The following BICC1 variants were observed in gnomAD, a reference collection of about 807,000 sequenced individuals.
BICC1 encodes the protein BicC family RNA binding protein 1.
BICC1 carries 43 observed loss-of-function variants against 111.0 expected under a neutral mutation model. That is an observed-to-expected ratio of 0.39 (90% confidence interval 0.30 to 0.50). BICC1 has a LOEUF of 0.50. BICC1 is among the 20% of genes least tolerant of loss of function. BICC1 has a pLI of 0.88. For synonymous variants in BICC1, 467 were observed against 434.4 expected (o/e 1.07, Z -0.93); for missense variants, 1,091 against 1,203.2 (o/e 0.91, Z 1.38).
Position 58,513,177 on chromosome 10 carries a change from G to C in BICC1, c.34G>C (p.Ala12Pro). ...AAQGEPGYLAAQSDPGSNSER... is the reference protein window; with the variant it reads ...AAQGEPGYLAPQSDPGSNSER... ...CCAGGGAGAGCCCGGCTACCTGGCG[G>C]CGCAGTCGGACCCCGGCTCCAACAG... The change falls in exon 1 of 21, where the codon GCG (alanine) becomes CCG (proline). Residue 12 changes from alanine to proline, a missense_variant. Ala to Pro is a conservative substitution (Grantham distance 27). Transcript: ENST00000373886. 6.3e-7 allele frequency: 1 copy of C among 1,575,694 alleles called. No homozygotes were observed. Among genetic ancestry groups the C allele is most frequent in the Non-Finnish European group, 8.6e-7 (1 of 1,163,418 alleles).
chr10:58,796,818 A>C lies in BICC1; in HGVS notation c.1366+292A>C, dbSNP rs72804425. Among the ~76,000 whole-genome samples, 7,297 of 151,840 alleles carry C rather than the reference A, an allele frequency of 0.048. 201 individuals carry two copies. Among genetic ancestry groups the C allele is most frequent in the East Asian group, 0.1 (521 of 5,144 alleles). On this transcript the variant is annotated intron_variant, in intron 10 of 20. Transcript: ENST00000373886. ...GAATGCCATTGAGATTGAAGTAAGC[A>C]TGCTGACTGTAATTTATGTTTGTTC...
intron 2 of BICC1, among the ~76,000 whole-genome samples, chr10:58,631,592 C>T (rs1837797069): frequency 6.6e-6 from 1 of 151,794 alleles, no homozygotes; most frequent in Non-Finnish European, 1.5e-5. Flanking sequence ...CCTGGATTAT[C>T]CAGTTATTCA....
At chr10:58,763,965 C>G (rs7087186) in intron 3 of BICC1, among the ~76,000 whole-genome samples, 121,867 of 152,018 alleles carry the variant, frequency 0.8, 49,105 homozygotes, top group East Asian at 1. Flanking sequence ...AGGAAACTAA[C>G]AAGGAATATC....
At chr10:58,640,759 G>C (rs1004225962) in intron 2 of BICC1, among the ~76,000 whole-genome samples, 1 of 152,180 alleles carries the variant, frequency 6.6e-6, no homozygotes, top group African/African-American at 2.4e-5. Context: ...AAAGTATAGA[G>C]AAATGAGTAG....
intron 1 of BICC1, among the ~76,000 whole-genome samples, chr10:58,573,563 G>A (rs1844024252): frequency 6.6e-6 from 1 of 152,110 alleles, no homozygotes; most frequent in African/African-American, 2.4e-5. Context: ...CAAGGTAAGG[G>A]CTGTAGGGTT....
At position 58,791,707 on chromosome 10, in the gene BICC1, T is replaced by G. The variant is rs368218250; in HGVS notation, c.1047+1774T>G. 3.5e-4 allele frequency among the ~76,000 whole-genome samples: 54 copies of G among 152,154 alleles called. 1 individual carries two copies. In the East Asian group the frequency reaches 5.4e-3, roughly 15 times the overall value. ...GTGAGCCGAGATCGCGCCACTGCAC[T>G]CCAGCCTGGGTGACAGAGCAAGACT... On this transcript the variant is annotated intron_variant, in intron 8 of 20. Transcript: ENST00000373886.
At chr10:58,796,799 C>A (rs118183596) in intron 10 of BICC1, among the ~76,000 whole-genome samples, 757 of 152,116 alleles carry the variant, frequency 5.0e-3, no homozygotes, top group Non-Finnish European at 8.3e-3. Context: ...TTAAGAATGC[C>A]ATTGAGATTG....
intron 1 of BICC1, among the ~76,000 whole-genome samples, chr10:58,524,088 G>A (rs1362748867): frequency 6.6e-5 from 10 of 152,136 alleles, no homozygotes; most frequent in African/African-American, 1.7e-4. Context: ...ATGCTCATGG[G>A]TAGGAAGACT....
chr10:58,590,999 TC>T (rs1432539069), intron 1 of BICC1, among the ~76,000 whole-genome samples: 1 of 152,114 alleles, frequency 6.6e-6, no homozygotes, highest in Admixed American at 6.5e-5. Flanking sequence ...TTCTACTAGT[TC>T]CCCCCTCCCT....
At chr10:58,802,459 C>T (rs997128178) in intron 14 of BICC1, among the ~76,000 whole-genome samples, 4 of 152,320 alleles carry the variant, frequency 2.6e-5, no homozygotes, top group Middle Eastern at 3.4e-3. Flanking sequence ...ACTTGTGGTG[C>T]ATGCATTCTG....
At chr10:58,599,057 G>A (rs1389385492) in intron 1 of BICC1, among the ~76,000 whole-genome samples, 2 of 152,152 alleles carry the variant, frequency 1.3e-5, no homozygotes, top group Admixed American at 1.3e-4. Context: ...TGGTGGACGT[G>A]TAAATTAGTT....
chr10:58,791,222 T>A lies in BICC1; in HGVS notation c.1047+1289T>A, dbSNP rs190520404. Among the ~76,000 whole-genome samples, 22 of 152,172 alleles carry A rather than the reference T, an allele frequency of 1.4e-4. No individual in the cohort carries two copies. In the East Asian group the frequency reaches 3.5e-3, roughly 24 times the overall value. On this transcript the variant is annotated intron_variant, in intron 8 of 20. Coordinates refer to ENST00000373886, the MANE Select transcript of BICC1 (RefSeq NM_001080512.3). ...TATCCAAGAATTGTTGTAATCTTCA[T>A]TTTTTTTCTGCTTTACAAGTTCTTT...
intron 17 of BICC1, among the ~76,000 whole-genome samples, chr10:58,808,606 A>G (rs1269938854): frequency 1.3e-5 from 2 of 152,248 alleles, no homozygotes; most frequent in African/African-American, 2.4e-5. Context: ...TTGGTGAGGG[A>G]CTTCACTCAT....
At chr10:58,793,771 T>G (rs1490735743) in intron 9 of BICC1, among the ~76,000 whole-genome samples, 156 bp downstream of exon 9, 2 of 152,190 alleles carry the variant, frequency 1.3e-5, no homozygotes, top group Non-Finnish European at 2.9e-5. Context: ...TGAATCTTTT[T>G]TAGCACTGAC....
At chr10:58,584,759 G>A (rs555633336) in intron 1 of BICC1, among the ~76,000 whole-genome samples, 8 of 151,048 alleles carry the variant, frequency 5.3e-5, no homozygotes, top group African/African-American at 1.7e-4. Context: ...GGTAAATTGG[G>A]ATGAGTTCAT....
chr10:58,768,974 A>G (rs1300343670), intron 3 of BICC1, among the ~76,000 whole-genome samples: 1 of 152,130 alleles, frequency 6.6e-6, no homozygotes, highest in African/African-American at 2.4e-5. Context: ...AAAAGGACAT[A>G]CTGCCATTTG....
intron 1 of BICC1, among the ~76,000 whole-genome samples, chr10:58,561,935 A>G (rs1843616080): frequency 6.6e-6 from 1 of 152,090 alleles, no homozygotes; most frequent in African/African-American, 2.4e-5. Context: ...AGCATTTTGA[A>G]TATATAATAC....
chr10:58,598,103 C>G (rs575208857), intron 1 of BICC1, among the ~76,000 whole-genome samples: 8 of 152,094 alleles, frequency 5.3e-5, no homozygotes, highest in Non-Finnish European at 1.2e-4. Flanking sequence ...AATTTATGTT[C>G]CTCTGCTGCA....
chr10:58,648,446 T>C (rs1353576240), intron 2 of BICC1: 3 of 922,154 alleles, frequency 3.3e-6, no homozygotes, highest in Non-Finnish European at 3.9e-6. Context: ...AAGGCATTTA[T>C]TATACACAGA....
Sources: allele counts gnomAD v4.1 joint callset (sites outside exome capture counted in the v4.1 genomes callset), GRCh38; gene constraint gnomAD v4.1.1; transcripts MANE v1.5; gene names NCBI Gene and HGNC (gene_info 2026-07-23, HGNC 2026-07-21).